TPRG1: variants seen among roughly 807,000 people sequenced by gnomAD.
TPRG1 encodes tumor protein p63-regulated gene 1 protein.
A neutral mutation model predicts 29.3 loss-of-function variants in TPRG1; 29 were observed. The observed-to-expected ratio is 0.99, with a 90% confidence interval of 0.74 to 1.35. The LOEUF is 1.35. Ranked by LOEUF, TPRG1 falls within the 40% of genes most tolerant of loss-of-function variation. The pLI, the probability that TPRG1 is intolerant of heterozygous loss-of-function variation, is 0.00. For missense variants in TPRG1, 327 were observed against 335.0 expected, an observed-to-expected ratio of 0.98 and a Z score of 0.19; for synonymous variants, 130 against 116.8, an observed-to-expected ratio of 1.11 and a Z score of -0.73.
At chr3:189,161,204 G>A (rs1423866929) in intron 5 of TPRG1, among the ~76,000 whole-genome samples, 1 of 152,176 alleles carries the variant, frequency 6.6e-6, no homozygotes, top group Non-Finnish European at 1.5e-5. Flanking sequence ...AGAGGTAATC[G>A]AGTATGGAAT....
At chr3:189,210,181 G>C (rs190936669) in intron 2 of TPRG1, among the ~76,000 whole-genome samples, 41 of 152,216 alleles carry the variant, frequency 2.7e-4, no homozygotes, top group Admixed American at 2.6e-3. Flanking sequence ...CATCTACAAA[G>C]TATAGATAAA....
intron 1 of TPRG1, among the ~76,000 whole-genome samples, chr3:189,193,808 G>T: frequency 6.7e-6 from 1 of 150,068 alleles, no homozygotes; most frequent in South Asian, 2.2e-4. Flanking sequence ...CCATGAGTTG[G>T]TTTCCTGATT....
intron 1 of TPRG1, among the ~76,000 whole-genome samples, chr3:189,200,119 A>G (rs1294126456): frequency 1.3e-5 from 2 of 152,170 alleles, no homozygotes; most frequent in African/African-American, 4.8e-5. Context: ...TCTGCTGCTG[A>G]GTCGAAGCAC....
At chr3:189,009,196 G>T (rs1306395251) in intron 3 of TPRG1, among the ~76,000 whole-genome samples, 1 of 152,064 alleles carries the variant, frequency 6.6e-6, no homozygotes, top group Non-Finnish European at 1.5e-5. Context: ...CTGGCTATGA[G>T]AGCTACAGAG....
At chr3:189,307,076 G>A (rs933741165) in intron 4 of TPRG1, among the ~76,000 whole-genome samples, 11 of 152,174 alleles carry the variant, frequency 7.2e-5, no homozygotes, top group African/African-American at 2.7e-4. Flanking sequence ...AGGCTGAAGT[G>A]CAGTGGCATG....
At chr3:189,231,943 T>TTGTGTGTGTGTGTTTGTG (rs1553927537) in intron 3 of TPRG1, among the ~76,000 whole-genome samples, 2 of 147,588 alleles carry the variant, frequency 1.4e-5, no homozygotes, top group African/African-American at 5.0e-5. Context: ...CAAACCTGGT[T>TTGTGTGTGTGTGTTTGTG]TGTGTGTGTG....
chr3:189,027,645 G>A lies in TPRG1; in HGVS notation c.-463+3699G>A, dbSNP rs529415101. ...TTTTATGTATCCAATGCTGTATTCC[G>A]TGCTGCTTGGTGGATGGTATTTGGA... On this transcript the variant is annotated intron_variant, in intron 4 of 10. Transcript: ENST00000433971. 5.3e-5 allele frequency among the ~76,000 whole-genome samples: 8 copies of A among 152,174 alleles called. No homozygotes were observed. The East Asian group carries it at 5.8e-4, about 11-fold the overall frequency.
chr3:189,244,243 A>C (rs1386089300), intron 4 of TPRG1, among the ~76,000 whole-genome samples: 1 of 152,136 alleles, frequency 6.6e-6, no homozygotes, highest in Non-Finnish European at 1.5e-5. Flanking sequence ...CACCCTAGCC[A>C]ACATGGTGAA....
intron 4 of TPRG1, chr3:189,310,128 C>T (rs1433104903): frequency 2.1e-5 from 5 of 243,418 alleles, no homozygotes; most frequent in South Asian, 1.1e-4. Context: ...CATCAATATC[C>T]GTATTTCCAG....
chr3:189,295,723 G>A (rs1293018080), intron 4 of TPRG1, among the ~76,000 whole-genome samples: 1 of 151,994 alleles, frequency 6.6e-6, no homozygotes, highest in African/African-American at 2.4e-5. Flanking sequence ...GGCGCGTGAT[G>A]TTTTACTAGA....
chr3:189,135,754 G>A (rs1452519802), intron 3 of TPRG1, among the ~76,000 whole-genome samples: 2 of 152,190 alleles, frequency 1.3e-5, no homozygotes, highest in Non-Finnish European at 2.9e-5. Context: ...GAAAATGCTA[G>A]TCTAGCCTTT....
chr3:189,255,473 C>A (rs1336954508), intron 4 of TPRG1, among the ~76,000 whole-genome samples: 1 of 152,016 alleles, frequency 6.6e-6, no homozygotes, highest in Non-Finnish European at 1.5e-5. Context: ...GGGATATTGG[C>A]CTGAAATTTT....
chr3:189,030,015 G>A (rs933738546), intron 4 of TPRG1, among the ~76,000 whole-genome samples: 2 of 152,124 alleles, frequency 1.3e-5, no homozygotes, highest in Admixed American at 6.5e-5. Context: ...TCAGCTTCAG[G>A]TATTTCTTTA....
chr3:189,190,484 G>T (rs1560531674), intron 1 of TPRG1, among the ~76,000 whole-genome samples: 1 of 152,056 alleles, frequency 6.6e-6, no homozygotes, highest in African/African-American at 2.4e-5. Flanking sequence ...ATAGATAAAA[G>T]GTTTCCCTCA....
At chr3:189,229,841 G>A (rs1738350713) in intron 3 of TPRG1, among the ~76,000 whole-genome samples, 1 of 152,120 alleles carries the variant, frequency 6.6e-6, no homozygotes, top group Non-Finnish European at 1.5e-5. Flanking sequence ...GCCTGATCTG[G>A]GCTGTGTCCC....
At chr3:189,297,750 T>C (rs1439986631) in intron 4 of TPRG1, among the ~76,000 whole-genome samples, 1 of 152,200 alleles carries the variant, frequency 6.6e-6, no homozygotes, top group Non-Finnish European at 1.5e-5. Context: ...CCAATGGGGC[T>C]GTCCTTCAAA....
intron 3 of TPRG1, among the ~76,000 whole-genome samples, chr3:189,237,428 C>T (rs1278080103): frequency 6.6e-6 from 1 of 152,146 alleles, no homozygotes; most frequent in Non-Finnish European, 1.5e-5. Flanking sequence ...GTACCCATTG[C>T]TAAGCATTTT....
In TPRG1 at chr3:189,177,454, TTATA is replaced by T. The variant is rs201156284; in HGVS notation, c.-10+5327_-10+5330del. On this transcript the variant is annotated intron_variant, in intron 1 of 5. Transcript: ENST00000345063. Reference sequence around the variant, plus strand: ...TATATGTATACATATATATGTCTGTTTATATATGCATATACTTATATATGTATAT... The same window carrying T: ...TATATGTATACATATATATGTCTGTTTATGCATATACTTATATATGTATAT... 7.0e-3 allele frequency among the ~76,000 whole-genome samples: 1,063 copies of T among 151,252 alleles called. 13 individuals carry two copies. Among genetic ancestry groups the T allele is most frequent in the African/African-American group, 0.024 (1,004 of 41,220 alleles).
At chr3:189,307,255 C>T (rs1721772761) in intron 4 of TPRG1, among the ~76,000 whole-genome samples, 1 of 152,118 alleles carries the variant, frequency 6.6e-6, no homozygotes, top group South Asian at 2.1e-4. Context: ...AACTCCTGAC[C>T]TCAGGTGATC....
Sources: allele counts gnomAD v4.1 joint callset (sites outside exome capture counted in the v4.1 genomes callset), GRCh38; gene constraint gnomAD v4.1.1; transcripts MANE v1.5; gene names NCBI Gene and HGNC (gene_info 2026-07-23, HGNC 2026-07-21).